The following MGAT4C variants were observed in gnomAD, a reference collection of about 807,000 sequenced individuals.
MGAT4C encodes MGAT4 family member C, also known as alpha-1,3-mannosyl-glycoprotein 4-beta-N-acetylglucosaminyltransferase C.
A neutral mutation model predicts 40.1 loss-of-function variants in MGAT4C; 19 were observed. The ratio of observed to expected loss-of-function variants is 0.47; its 90% CI spans 0.33 to 0.70. The LOEUF (loss-of-function observed/expected upper bound fraction) is 0.70. Ranked by LOEUF, MGAT4C falls within the 30% of genes least tolerant of loss-of-function variation. The probability of loss-of-function intolerance (pLI) is 0.02; values close to 1 mark genes in which losing one functional copy is unlikely to be tolerated. For synonymous variants in MGAT4C, 181 were observed against 187.1 expected, an observed-to-expected ratio of 0.97 and a Z score of 0.27; for missense variants, 491 against 563.2, an observed-to-expected ratio of 0.87 and a Z score of 1.30.
intron 2 of MGAT4C, among the ~76,000 whole-genome samples, chr12:86,463,944 G>A (rs988757622): frequency 6.6e-6 from 1 of 152,096 alleles, no homozygotes; most frequent in Non-Finnish European, 1.5e-5. Flanking sequence ...TCTTTCTTGT[G>A]ATTCACTAGT....
chr12:86,820,886 T>C (rs768879751), intron 1 of MGAT4C, among the ~76,000 whole-genome samples: 1 of 151,036 alleles, frequency 6.6e-6, no homozygotes. Flanking sequence ...TTTGCATCCA[T>C]AGCATGTCAA....
chr12:86,520,900 C>T (rs1958782834), intron 2 of MGAT4C, among the ~76,000 whole-genome samples: 1 of 151,992 alleles, frequency 6.6e-6, no homozygotes, highest in Admixed American at 6.6e-5. Flanking sequence ...TTCTTGTCCT[C>T]TGTCCACTTT....
chr12:86,714,789 G>GGAAA (rs1238267520), intron 2 of MGAT4C, among the ~76,000 whole-genome samples: 2 of 150,972 alleles, frequency 1.3e-5, no homozygotes, highest in African/African-American at 4.9e-5. Flanking sequence ...AAGGAAGGAA[G>GGAAA]GAAGGAAGGA....
Position 85,973,427 on chromosome 12 carries a change from T to A in MGAT4C, c.*5862A>T, listed in dbSNP as rs1883729029. On this transcript the variant is annotated 3_prime_UTR_variant, in exon 5 of 5. Coordinates refer to ENST00000611864, the MANE Select transcript of MGAT4C (RefSeq NM_001351288.2). ...AGTAACTTACAGTACATTGAAATTA[T>A]AGACTAAGGTTCTGAATATTGGTAA... The A allele has an allele frequency of 6.6e-6, 1 of 150,896 alleles. No individual in the cohort carries two copies. Among genetic ancestry groups the A allele is most frequent in the Non-Finnish European group, 1.5e-5 (1 of 67,094 alleles). 9.3% of individuals were successfully genotyped at this position (150,896 alleles called of 1,614,324 possible). A position where few individuals can be genotyped will look rare whatever the true frequency, so the allele number is the denominator to read the frequency against.
At chr12:86,558,485 G>A (rs1056906910) in intron 2 of MGAT4C, among the ~76,000 whole-genome samples, 5 of 151,914 alleles carry the variant, frequency 3.3e-5, no homozygotes, top group Admixed American at 1.3e-4. Context: ...ATATAACCAA[G>A]CAAAACACAA....
intron 1 of MGAT4C, among the ~76,000 whole-genome samples, chr12:86,197,844 G>T (rs1307545649): frequency 6.6e-6 from 1 of 152,152 alleles, no homozygotes; most frequent in Non-Finnish European, 1.5e-5. Context: ...CAATTCAAAT[G>T]TATAGTCTAA....
At chr12:86,392,713 G>T (rs746004949) in intron 3 of MGAT4C, among the ~76,000 whole-genome samples, 35 of 152,128 alleles carry the variant, frequency 2.3e-4, no homozygotes, top group African/African-American at 8.0e-4. Context: ...ACAATCTGAC[G>T]TATGCATTGC....
intron 3 of MGAT4C, among the ~76,000 whole-genome samples, chr12:86,365,048 T>G (rs1227514837): frequency 6.6e-6 from 1 of 152,144 alleles, no homozygotes; most frequent in Non-Finnish European, 1.5e-5. Flanking sequence ...CTGGGAGCAC[T>G]ACGGGAGACT....
intron 1 of MGAT4C, among the ~76,000 whole-genome samples, chr12:86,818,620 T>A (rs567686983): frequency 2.7e-5 from 4 of 150,938 alleles, no homozygotes; most frequent in East Asian, 3.9e-4. Flanking sequence ...CCGTGTGGAA[T>A]AAATCCACAT....
chr12:86,006,891 A>G (rs927111654), intron 2 of MGAT4C, among the ~76,000 whole-genome samples: 6 of 152,152 alleles, frequency 3.9e-5, no homozygotes, highest in Non-Finnish European at 8.8e-5. Flanking sequence ...AGTTTAGCCC[A>G]ATCTCTGTCC....
intron 2 of MGAT4C, among the ~76,000 whole-genome samples, chr12:86,642,257 T>G (rs1423417216): frequency 3.3e-5 from 5 of 151,842 alleles, no homozygotes; most frequent in Non-Finnish European, 7.4e-5. Context: ...TTTCTCTCTC[T>G]TGCCATTTAT....
intron 1 of MGAT4C, among the ~76,000 whole-genome samples, chr12:86,092,832 T>G (rs1189366647): frequency 6.6e-6 from 1 of 152,088 alleles, no homozygotes; most frequent in Non-Finnish European, 1.5e-5. Context: ...AACTCATCAT[T>G]TAAAGCCATC....
intron 2 of MGAT4C, among the ~76,000 whole-genome samples, chr12:86,619,925 A>G (rs550237382): frequency 6.6e-6 from 1 of 152,306 alleles, no homozygotes; most frequent in East Asian, 1.9e-4. Flanking sequence ...GAATAAACCT[A>G]AATTTAGAAA....
At chr12:86,428,519 C>G (rs1377256481) in intron 3 of MGAT4C, among the ~76,000 whole-genome samples, 1 of 152,204 alleles carries the variant, frequency 6.6e-6, no homozygotes, top group Non-Finnish European at 1.5e-5. Flanking sequence ...GGCCTCTCCT[C>G]TTCGACTTTT....
At chr12:86,757,645 T>C (rs1459666268) in intron 1 of MGAT4C, among the ~76,000 whole-genome samples, 1 of 152,138 alleles carries the variant, frequency 6.6e-6, no homozygotes, top group Non-Finnish European at 1.5e-5. Context: ...AATATGTGGA[T>C]TTTTGTTCTT....
intron 1 of MGAT4C, among the ~76,000 whole-genome samples, chr12:86,147,861 A>G (rs895729113): frequency 3.3e-5 from 5 of 152,220 alleles, no homozygotes; most frequent in Admixed American, 2.6e-4. Flanking sequence ...TAAGGGATCC[A>G]TTATTTGGAC....
At chr12:86,471,498 A>T (rs1343096167) in intron 2 of MGAT4C, among the ~76,000 whole-genome samples, 1 of 152,102 alleles carries the variant, frequency 6.6e-6, no homozygotes, top group Non-Finnish European at 1.5e-5. Flanking sequence ...ACAGATAGGA[A>T]GCCCACAAAT....
intron 1 of MGAT4C, among the ~76,000 whole-genome samples, chr12:86,165,472 T>G (rs1886084811): frequency 6.6e-6 from 1 of 152,166 alleles, no homozygotes; most frequent in Non-Finnish European, 1.5e-5. Flanking sequence ...AGCTAAACAT[T>G]TTGTTTCTTC....
intron 3 of MGAT4C, among the ~76,000 whole-genome samples, chr12:86,401,451 A>G (rs907223940): frequency 6.6e-6 from 1 of 152,150 alleles, no homozygotes; most frequent in Admixed American, 6.5e-5. Flanking sequence ...TTTCAATGTT[A>G]CCATGTCACA....
Sources: gnomAD v4.1 joint callset for allele counts (sites outside exome capture counted in the v4.1 genomes callset) on GRCh38, gnomAD v4.1.1 for gene constraint, MANE v1.5 for transcripts, NCBI Gene and HGNC (gene_info 2026-07-23, HGNC 2026-07-21) for gene names.